AMZ1: variants seen among roughly 807,000 people sequenced by gnomAD.
The protein encoded by AMZ1 is archaemetzincin-1.
Under a neutral mutation model 29.9 loss-of-function variants are expected in AMZ1, and 39 were observed. That is an observed-to-expected ratio of 1.30 (90% CI 1.01 to 1.70). The LOEUF is 1.70. AMZ1 is among the 40% of genes most tolerant of loss of function. The pLI, the probability that AMZ1 is intolerant of heterozygous loss-of-function variation, is 0.00. For synonymous variants in AMZ1, 458 were observed against 304.0 expected, an observed-to-expected ratio of 1.51 and a Z score of -5.27; for missense variants, 1,041 against 680.6, an observed-to-expected ratio of 1.53 and a Z score of -5.89.
At chr7:2,737,987 G>A (rs962266590) in intron 4 of AMZ1, among the ~76,000 whole-genome samples, 7 of 152,134 alleles carry the variant, frequency 4.6e-5, no homozygotes, top group African/African-American at 1.4e-4. Flanking sequence ...GGGCTGGCGT[G>A]AGATTAAATG....
chr7:2,725,776 C>G (rs368495280), intron 4 of AMZ1, among the ~76,000 whole-genome samples: 1 of 152,236 alleles, frequency 6.6e-6, no homozygotes, highest in South Asian at 2.1e-4. Context: ...GGAAACCTAA[C>G]GCTTTTCTGT....
Position 2,708,997 on chromosome 7 carries a change from C to CA in AMZ1, c.602-77dup, listed in dbSNP as rs1788558455. On this transcript the variant is annotated intron_variant, in intron 4 of 6. Transcript: ENST00000683327. ...GGGCCATGGCCAGCTTGCATGAGAG[C>CA]ATGAGGTGGGTTTGACGGTGGGCCC... is the stretch of plus-strand genomic sequence containing the variant. The CA allele has an allele frequency of 1.6e-5, 24 of 1,467,046 alleles. 1 individual carries two copies. In the South Asian group the frequency reaches 3.3e-4, roughly 20 times the overall value. 90.9% of individuals were successfully genotyped at this position (1,467,046 alleles called of 1,614,324 possible).
At chr7:2,749,601 T>C (rs1790928945) in intron 4 of AMZ1, among the ~76,000 whole-genome samples, 4 of 152,026 alleles carry the variant, frequency 2.6e-5, no homozygotes, top group South Asian at 4.1e-4. Flanking sequence ...ACATGGCACA[T>C]GTATACATAT....
chr7:2,686,453 G>T (rs373522243), upstream of AMZ1, among the ~76,000 whole-genome samples: 1 of 152,276 alleles, frequency 6.6e-6, no homozygotes, highest in South Asian at 2.1e-4. Context: ...AGGATTGCTG[G>T]AGTCTAGGAG....
intron 4 of AMZ1, among the ~76,000 whole-genome samples, chr7:2,736,947 G>C (rs994360179): frequency 6.6e-6 from 1 of 152,228 alleles, no homozygotes; most frequent in African/African-American, 2.4e-5. Flanking sequence ...CTCGAGATCA[G>C]TACATGAGGG....
intron 4 of AMZ1, among the ~76,000 whole-genome samples, chr7:2,737,063 T>C (rs991259192): frequency 7.9e-5 from 12 of 152,050 alleles, no homozygotes; most frequent in Non-Finnish European, 1.5e-4. Context: ...AGGGTGTGCA[T>C]TAAAGACAGC....
At chr7:2,711,184 C>T (rs1442015476) in intron 6 of AMZ1, among the ~76,000 whole-genome samples, 1 of 152,174 alleles carries the variant, frequency 6.6e-6, no homozygotes, top group Admixed American at 6.5e-5. Context: ...AGGGCAAAGG[C>T]ACTCCAGGGT....
downstream of AMZ1, among the ~76,000 whole-genome samples, chr7:2,724,098 G>GC (rs1247776729): frequency 2.0e-5 from 3 of 151,762 alleles, no homozygotes; most frequent in African/African-American, 7.3e-5. Context: ...GTAGAGATGG[G>GC]GAGTGGGGGG....
At chr7:2,749,152 C>T (rs1583231868) in intron 4 of AMZ1, among the ~76,000 whole-genome samples, 1 of 152,008 alleles carries the variant, frequency 6.6e-6, no homozygotes, top group East Asian at 1.9e-4. Flanking sequence ...CCAGCCATCC[C>T]ATTACTGGGT....
intron 3 of AMZ1, among the ~76,000 whole-genome samples, chr7:2,707,293 A>C (rs905501406): frequency 2.0e-5 from 3 of 148,916 alleles, no homozygotes; most frequent in Middle Eastern, 3.3e-3. Flanking sequence ...AAAAAACAAA[A>C]AAACACACAC....
At chr7:2,740,905 C>T (rs569964891) in intron 4 of AMZ1, among the ~76,000 whole-genome samples, 8 of 152,142 alleles carry the variant, frequency 5.3e-5, no homozygotes, top group Admixed American at 1.3e-4. Context: ...ATTAGTCGGG[C>T]GTGGTGGCAG....
chr7:2,686,542 C>G (rs533912711), upstream of AMZ1, among the ~76,000 whole-genome samples: 2 of 152,050 alleles, frequency 1.3e-5, no homozygotes, highest in Non-Finnish European at 2.9e-5. Flanking sequence ...TCAAAAAAAA[C>G]TTTTTAAAAA....
At chr7:2,724,820 C>T (rs79941659) in intron 4 of AMZ1, among the ~76,000 whole-genome samples, 1,666 of 152,266 alleles carry the variant, frequency 0.011, 13 homozygotes, top group Non-Finnish European at 0.017. Flanking sequence ...CCGAGGCTGC[C>T]GGGCGCGTGA....
intron 4 of AMZ1, among the ~76,000 whole-genome samples, chr7:2,743,517 GT>G (rs1252872245): frequency 6.6e-6 from 1 of 152,210 alleles, no homozygotes; most frequent in Non-Finnish European, 1.5e-5. Flanking sequence ...AAATGCTCAT[GT>G]TGAATAAAGA....
intron 4 of AMZ1, among the ~76,000 whole-genome samples, chr7:2,752,788 TAGAGAGGTATAGGTG>T (rs1439434823): frequency 1.3e-5 from 2 of 152,222 alleles, no homozygotes; most frequent in Admixed American, 1.3e-4. Flanking sequence ...AAAGATTGCC[TAGAGAGGTATAGGTG>T]GACCTGCCAT....
At chr7:2,761,368 T>A (rs1002440797), upstream of AMZ1, among the ~76,000 whole-genome samples, 1 of 152,230 alleles carries the variant, frequency 6.6e-6, no homozygotes, top group African/African-American at 2.4e-5. Context: ...ATGGCAGCTG[T>A]GATTTCCCTG....
chr7:2,727,134 T>A (rs762031457), intron 4 of AMZ1, among the ~76,000 whole-genome samples: 21 of 152,254 alleles, frequency 1.4e-4, no homozygotes, highest in Admixed American at 2.6e-4. Flanking sequence ...CAGGCTGGAG[T>A]GCAGTGGCAT....
chr7:2,706,978 C>G (rs1417718707), intron 3 of AMZ1, among the ~76,000 whole-genome samples: 1 of 152,144 alleles, frequency 6.6e-6, no homozygotes, highest in Non-Finnish European at 1.5e-5. Context: ...GATGTTATCT[C>G]AAAAACAAAC....
At chr7:2,739,985 T>C (rs757957406) in intron 4 of AMZ1, among the ~76,000 whole-genome samples, 1 of 152,146 alleles carries the variant, frequency 6.6e-6, no homozygotes, top group Non-Finnish European at 1.5e-5. Context: ...CCTTTGGTAA[T>C]TCTGTGCTTA....
Sources: gnomAD v4.1 joint callset for allele counts (sites outside exome capture counted in the v4.1 genomes callset) on GRCh38, gnomAD v4.1.1 for gene constraint, MANE v1.5 for transcripts, NCBI Gene and HGNC (gene_info 2026-07-23, HGNC 2026-07-21) for gene names.